Variants in HEBP2 observed in about 807,000 individuals in gnomAD.
HEBP2 encodes heme binding protein 2.
A neutral mutation model predicts 23.1 loss-of-function variants in HEBP2; 27 were observed. That is an observed-to-expected ratio of 1.17 (90% CI 0.86 to 1.61). The LOEUF (loss-of-function observed/expected upper bound fraction) is 1.61, where lower values mean the gene tolerates loss of function less well. Ranked by LOEUF, HEBP2 falls within the 40% of genes most tolerant of loss-of-function variation. The pLI is 0.00. For missense variants in HEBP2, 245 were observed against 253.8 expected (o/e 0.97, Z 0.24); for synonymous variants, 99 against 95.1 (o/e 1.04, Z -0.24).
Position 138,404,519 on chromosome 6 carries a change from C to A in HEBP2, c.24C>A (p.Asp8Glu). 2 of 1,315,198 alleles carry A rather than the reference C, an allele frequency of 1.5e-6. No individual in the cohort carries two copies. The highest frequency in any genetic ancestry group is 4.2e-5 in the South Asian group (2 of 48,166). The allele number at this position is 1,315,198 out of a possible 1,614,324, so 81.5% of individuals were successfully genotyped here. A position where few individuals can be genotyped will look rare whatever the true frequency, so the allele number is the denominator to read the frequency against. MAEPLQP[D>E]PGAAEDAAAQ... ...CCATGGCCGAGCCGCTCCAGCCAGA[C>A]CCCGGGGCGGCCGAGGACGCGGCGG... Residue 8 changes from aspartate (D) to glutamate (E), a missense_variant, in exon 1 of 4, where the codon GAC becomes GAA. Coordinates refer to ENST00000607197, the MANE Select transcript of HEBP2 (RefSeq NM_014320.3).
Position 138,406,130 on chromosome 6 carries a change from C to A in HEBP2, c.398C>A (p.Ala133Asp). Residue 133 changes from alanine (A) to aspartate (D), a missense_variant, in exon 3 of 4, where the codon GCC becomes GAC. Coordinates refer to ENST00000607197, the MANE Select transcript of HEBP2 (RefSeq NM_014320.3). The stretch of plus-strand genomic sequence containing the variant: ...TCAGATGTCTTCATTGAAGATAGAG[C>A]CGAAATGACTGTGTTTGTACGGTAA... ...LESDVFIEDRAEMTVFVRSFD... is the reference protein window; with the variant it reads ...LESDVFIEDRDEMTVFVRSFD... The A allele has an allele frequency of 6.2e-7, 1 of 1,613,888 alleles. No individual in the cohort carries two copies. The highest frequency in any genetic ancestry group is 8.5e-7 in the Non-Finnish European group (1 of 1,179,928).
intron 3 of HEBP2, among the ~76,000 whole-genome samples, chr6:138,406,874 T>C (rs1774654493): frequency 6.6e-6 from 1 of 151,932 alleles, no homozygotes; most frequent in South Asian, 2.1e-4. Context: ...CAAATGTATA[T>C]ATATATATTA....
At position 138,405,203 on chromosome 6, in the gene HEBP2, A is replaced by G; in HGVS notation, c.161A>G (p.Glu54Gly). ...GCCAAGTGGGTCAGCACGTCCGTGG[A>G]GTCTATGGACTGGGATTCAGCCATC... ...GPAKWVSTSVESMDWDSAIQT... is the reference protein window; with the variant it reads ...GPAKWVSTSVGSMDWDSAIQT... The change falls in exon 2 of 4, where the codon GAG becomes GGG. Residue 54 changes from glutamate to glycine, a missense_variant. Physicochemically the swap from Glu to Gly is moderately conservative, Grantham distance 98 (BLOSUM62 -2). Coordinates refer to ENST00000607197, the MANE Select transcript of HEBP2 (RefSeq NM_014320.3). 1 of 1,614,184 alleles carries G rather than the reference A, an allele frequency of 6.2e-7. No homozygotes were observed. Among genetic ancestry groups the G allele is most frequent in the Non-Finnish European group, 8.5e-7 (1 of 1,180,008 alleles).
At chr6:138,403,669 C>T, upstream of HEBP2, 2 of 423,758 alleles carry the variant, frequency 4.7e-6, no homozygotes, top group Non-Finnish European at 4.2e-6. Context: ...GGGAACAGAG[C>T]CGCACCCCAC....
In HEBP2 at chr6:138,416,290, TAGAA is replaced by T. The variant is rs1289562379; in HGVS notation, c.*3216_*3219del. 6.6e-6 allele frequency: 1 copy of T among 152,184 alleles called. No homozygotes were observed. Among genetic ancestry groups the T allele is most frequent in the African/African-American group, 2.4e-5 (1 of 41,410 alleles). 9.4% of individuals were successfully genotyped at this position (152,184 alleles called of 1,614,324 possible). On this transcript the variant is annotated 3_prime_UTR_variant, in exon 4 of 4. Coordinates refer to ENST00000607197, the MANE Select transcript of HEBP2 (RefSeq NM_014320.3). ...GCTCTAGGGCAGCTTGGTAGAAGCC[TAGAA>T]AGAGTGATCAAAATGTTGAAATGCC...
chr6:138,408,354 A>G (rs1177712056), intron 3 of HEBP2, among the ~76,000 whole-genome samples: 1 of 152,220 alleles, frequency 6.6e-6, no homozygotes, highest in Non-Finnish European at 1.5e-5. Flanking sequence ...ATGTTCAGCC[A>G]AATATCCTAT....
chr6:138,421,979 T>C lies in HEBP2; in HGVS notation c.*8901T>C, dbSNP rs1774949789. 6.6e-6 allele frequency: 1 copy of C among 152,102 alleles called. No homozygotes were observed. Among genetic ancestry groups the C allele is most frequent in the African/African-American group, 2.4e-5 (1 of 41,392 alleles). The allele number at this position is 152,102 out of a possible 1,614,324, so 9.4% of individuals were successfully genotyped here. ...CAGCAAAACACTCAACAATTCTGTA[T>C]AAGAACACCTATCTCATTATTCAAA... On this transcript the variant is annotated 3_prime_UTR_variant, in exon 4 of 4. Transcript: ENST00000607197.
At chr6:138,409,476 C>G (rs1000753250) in intron 3 of HEBP2, among the ~76,000 whole-genome samples, 2 of 152,192 alleles carry the variant, frequency 1.3e-5, no homozygotes, top group African/African-American at 4.8e-5. Context: ...TTCTAGGGAC[C>G]GCACTAAGTC....
At chr6:138,409,820 A>G (rs1774713885) in intron 3 of HEBP2, among the ~76,000 whole-genome samples, 1 of 152,122 alleles carries the variant, frequency 6.6e-6, no homozygotes, top group African/African-American at 2.4e-5. Flanking sequence ...TTCATGTAAC[A>G]TGCCATGTTC....
Position 138,419,628 on chromosome 6 carries a change from C to CCTG in HEBP2, c.*6552_*6554dup, listed in dbSNP as rs1774888563. 2 of 151,900 alleles carry CCTG rather than the reference C, an allele frequency of 1.3e-5. No individual in the cohort carries two copies. Among genetic ancestry groups the CCTG allele is most frequent in the South Asian group, 4.1e-4 (2 of 4,822 alleles). The allele number at this position is 151,900 out of a possible 1,614,324, so 9.4% of individuals were successfully genotyped here. ...TTTAGTGCCAGGTGGGAGACAATAC[C>CCTG]CTGCCAAGATGTGCCACCGTCTCCT... is the stretch of plus-strand genomic sequence containing the variant. On this transcript the variant is annotated 3_prime_UTR_variant, in exon 4 of 4. Transcript: ENST00000607197.
rs9495077 is a variant in HEBP2, at chr6:138,405,131, C to T, written c.103-14C>T. ...TTAGAATTGCTTCTCGAAGTTTTCTCTGTTCCACTTTAGCCCGGAAGTTAT... is the reference window on the plus strand; with the variant it reads ...TTAGAATTGCTTCTCGAAGTTTTCTTTGTTCCACTTTAGCCCGGAAGTTAT... On this transcript the variant is annotated splice_polypyrimidine_tract_variant and intron_variant, in intron 1 of 3. Transcript: ENST00000607197. 54,768 of 1,603,696 alleles carry T rather than the reference C, an allele frequency of 0.034. 1,073 individuals carry two copies. The highest frequency in any genetic ancestry group is 0.042 in the South Asian group (3,702 of 88,936).
rs961995183 is a variant in HEBP2, at chr6:138,420,844, C to G, written c.*7766C>G. 6.6e-6 allele frequency: 1 copy of G among 152,220 alleles called. No individual in the cohort carries two copies. The highest frequency in any genetic ancestry group is 6.5e-5 in the Admixed American group (1 of 15,290). 9.4% of individuals were successfully genotyped at this position (152,220 alleles called of 1,614,324 possible). A position where few individuals can be genotyped will look rare whatever the true frequency, so the allele number is the denominator to read the frequency against. On this transcript the variant is annotated 3_prime_UTR_variant, in exon 4 of 4. Transcript: ENST00000607197. ...ATAAATCCTTTGGTATTCTAACTGT[C>G]TACTTCTTGAAGAATCTAAACTGGC...
chr6:138,412,833 A>G (rs775355801), intron 3 of HEBP2, 47 bp from the exon 4 acceptor site: 1 of 1,510,864 alleles, frequency 6.6e-7, no homozygotes, highest in African/African-American at 1.4e-5. Flanking sequence ...ACTGACATTC[A>G]CATCAGTATT....
Position 138,404,229 on chromosome 6 carries a change from C to A in HEBP2, c.-267C>A, listed in dbSNP as rs113775045. 16 of 311,044 alleles carry A rather than the reference C, an allele frequency of 5.1e-5. No individual in the cohort carries two copies. Among genetic ancestry groups the A allele is most frequent in the African/African-American group, 2.8e-4 (13 of 45,856 alleles). 19.3% of individuals were successfully genotyped at this position (311,044 alleles called of 1,614,324 possible). A position where few individuals can be genotyped will look rare whatever the true frequency, so the allele number is the denominator to read the frequency against. On this transcript the variant is annotated 5_prime_UTR_variant, in exon 1 of 4. Transcript: ENST00000607197. ...GCCGAAGCGAGGTGCGGCTCCCTGT[C>A]GCCGCGGAGGGGCGGGGGCAGGACG...
Position 138,414,462 on chromosome 6 carries a change from A to T in HEBP2, c.*1384A>T, listed in dbSNP as rs763896681. ...TTGTCATTGATTGTTTCTGGTACTT[A>T]ATTGCTACTGTGGCCAAAGGATGGT... is the stretch of plus-strand genomic sequence containing the variant. On this transcript the variant is annotated 3_prime_UTR_variant, in exon 4 of 4. Coordinates refer to ENST00000607197, the MANE Select transcript of HEBP2 (RefSeq NM_014320.3). 2.0e-5 allele frequency: 3 copies of T among 152,126 alleles called. No homozygotes were observed. The highest frequency in any genetic ancestry group is 4.4e-5 in the Non-Finnish European group (3 of 68,030). The allele number at this position is 152,126 out of a possible 1,614,324, so 9.4% of individuals were successfully genotyped here. A position where few individuals can be genotyped will look rare whatever the true frequency, so the allele number is the denominator to read the frequency against.
chr6:138,412,777 C>T, intron 3 of HEBP2, 103 bp from the exon 4 acceptor site: 1 of 951,680 alleles, frequency 1.1e-6, no homozygotes, highest in East Asian at 2.5e-5. Context: ...TTTGGAGCTG[C>T]ACTTCACTCA....
At chr6:138,407,995 T>C (rs150448489) in intron 3 of HEBP2, among the ~76,000 whole-genome samples, 1 of 152,334 alleles carries the variant, frequency 6.6e-6, no homozygotes, top group African/African-American at 2.4e-5. Context: ...CCTTTGAAAT[T>C]GTTCTGCCCT....
chr6:138,410,523 G>T, intron 3 of HEBP2, among the ~76,000 whole-genome samples: 1 of 145,902 alleles, frequency 6.9e-6, no homozygotes, highest in South Asian at 2.1e-4. Flanking sequence ...CTCTTGTTGC[G>T]CAAGCTGGAA....
rs1178387141 is a variant in HEBP2, at chr6:138,419,674, A to G, written c.*6596A>G. 1 of 152,162 alleles carries G rather than the reference A, an allele frequency of 6.6e-6. No homozygotes were observed. Among genetic ancestry groups the G allele is most frequent in the African/African-American group, 2.4e-5 (1 of 41,440 alleles). The allele number at this position is 152,162 out of a possible 1,614,324, so 9.4% of individuals were successfully genotyped here. A position where few individuals can be genotyped will look rare whatever the true frequency, so the allele number is the denominator to read the frequency against. ...CTCCTGCACACAGTATACTTATTGA[A>G]TCAGAAAGCCTGTATGATGCTGTGT... On this transcript the variant is annotated 3_prime_UTR_variant, in exon 4 of 4. Coordinates refer to ENST00000607197, the MANE Select transcript of HEBP2 (RefSeq NM_014320.3).
Sources: allele counts gnomAD v4.1 joint callset (sites outside exome capture counted in the v4.1 genomes callset), GRCh38; gene constraint gnomAD v4.1.1; transcripts MANE v1.5; gene names NCBI Gene and HGNC (gene_info 2026-07-23, HGNC 2026-07-21).